Variants in MAST4 observed in about 807,000 individuals in gnomAD.
The protein encoded by MAST4 is microtubule associated serine/threonine kinase family member 4, also known as microtubule-associated serine/threonine-protein kinase 4.
MAST4 carries 89 observed loss-of-function variants against 162.7 expected under a neutral mutation model. The ratio of observed to expected loss-of-function variants is 0.55; its 90% CI spans 0.46 to 0.65. MAST4 has a LOEUF of 0.65. Ranked by LOEUF, MAST4 falls within the 30% of genes least tolerant of loss-of-function variation. The pLI is 0.00. For synonymous variants in MAST4, 1,479 were observed against 1,361.1 expected, an observed-to-expected ratio of 1.09 and a Z score of -1.91; for missense variants, 3,153 against 3,374.0, an observed-to-expected ratio of 0.93 and a Z score of 1.62.
chr5:67,166,559 C>A lies in MAST4; in HGVS notation c.7380C>A (p.Ser2460Arg), dbSNP rs769175114. 6.2e-7 allele frequency: 1 copy of A among 1,606,750 alleles called. No individual in the cohort carries two copies. Among genetic ancestry groups the A allele is most frequent in the Non-Finnish European group, 8.5e-7 (1 of 1,176,774 alleles). The change falls in exon 29 of 29, where the codon AGC becomes AGA. Residue 2460 changes from serine (S) to arginine (R), a missense_variant. Coordinates refer to ENST00000403625, the MANE Select transcript of MAST4 (RefSeq NM_001164664.2). ...RSTALPEKSL[S>R]CSSSFPETRA... ...CGGCCCTCCCGGAAAAGTCTCTGAGCTGCTCCTCCAGCTTCCCTGAAACCA... is the reference window on the plus strand; with the variant it reads ...CGGCCCTCCCGGAAAAGTCTCTGAGATGCTCCTCCAGCTTCCCTGAAACCA...
chr5:67,073,191 A>G (rs1031358875), intron 5 of MAST4, among the ~76,000 whole-genome samples: 2 of 152,196 alleles, frequency 1.3e-5, no homozygotes, highest in Non-Finnish European at 2.9e-5. Context: ...ACACCATGGC[A>G]CTGTGCCAGA....
chr5:66,637,864 C>A (rs2149430853), intron 1 of MAST4, among the ~76,000 whole-genome samples: 1 of 152,152 alleles, frequency 6.6e-6, no homozygotes, highest in South Asian at 2.1e-4. Context: ...GCACGTGCCA[C>A]CACACCCAGC....
At chr5:66,747,746 T>C (rs1417204014) in intron 1 of MAST4, among the ~76,000 whole-genome samples, 1 of 151,912 alleles carries the variant, frequency 6.6e-6, no homozygotes, top group African/African-American at 2.4e-5. Flanking sequence ...AATAATGGCA[T>C]TGCTGATGCT....
intron 4 of MAST4, among the ~76,000 whole-genome samples, chr5:67,002,284 G>A (rs1010656340): frequency 9.9e-5 from 15 of 152,062 alleles, no homozygotes; most frequent in African/African-American, 3.4e-4. Flanking sequence ...AGTATTCTTT[G>A]AGAATACAGA....
intron 4 of MAST4, among the ~76,000 whole-genome samples, chr5:67,046,448 A>G (rs1223243669): frequency 6.6e-6 from 1 of 152,210 alleles, no homozygotes; most frequent in African/African-American, 2.4e-5. Flanking sequence ...TCTTTTCCAG[A>G]TTCTGCCTTA....
At chr5:67,093,179 T>TG (rs1490283967) in intron 6 of MAST4, among the ~76,000 whole-genome samples, 2 of 152,230 alleles carry the variant, frequency 1.3e-5, no homozygotes, top group African/African-American at 4.8e-5. Flanking sequence ...ATTTTTTTGC[T>TG]GATCTTTTTT....
intron 4 of MAST4, among the ~76,000 whole-genome samples, chr5:66,915,860 AGAC>A (rs1271018975): frequency 1.3e-5 from 2 of 152,214 alleles, no homozygotes; most frequent in South Asian, 2.1e-4. Context: ...TAATGGAAGA[AGAC>A]GAAATTTTCT....
intron 4 of MAST4, among the ~76,000 whole-genome samples, chr5:66,964,567 C>T (rs970204119): frequency 2.0e-5 from 3 of 152,048 alleles, no homozygotes; most frequent in Non-Finnish European, 2.9e-5. Flanking sequence ...TTTGGGAGGT[C>T]GAGGCGGGCA....
intron 1 of MAST4, among the ~76,000 whole-genome samples, chr5:66,693,977 A>G (rs1330953363): frequency 6.6e-6 from 1 of 152,198 alleles, no homozygotes; most frequent in Non-Finnish European, 1.5e-5. Flanking sequence ...ATTTTAGGCA[A>G]AGGGAATGGT....
chr5:66,693,972 A>G (rs1415651324), intron 1 of MAST4, among the ~76,000 whole-genome samples: 1 of 152,192 alleles, frequency 6.6e-6, no homozygotes, highest in Non-Finnish European at 1.5e-5. Context: ...AGAATATTTT[A>G]GGCAAAGGGA....
intron 1 of MAST4, among the ~76,000 whole-genome samples, chr5:66,618,814 T>C (rs1184384552): frequency 2.0e-5 from 3 of 152,212 alleles, no homozygotes; most frequent in Non-Finnish European, 4.4e-5. Flanking sequence ...AGGATTTTTT[T>C]TTTCTGACTT....
intron 1 of MAST4, among the ~76,000 whole-genome samples, chr5:66,738,480 C>T (rs1370495994): frequency 6.6e-6 from 1 of 152,204 alleles, no homozygotes; most frequent in Non-Finnish European, 1.5e-5. Context: ...CCAGGCCCCT[C>T]TTCTAGCCTC....
chr5:67,106,248 C>T (rs1000568217), intron 10 of MAST4, among the ~76,000 whole-genome samples: 1 of 152,116 alleles, frequency 6.6e-6, no homozygotes. Flanking sequence ...CAAATCCTTA[C>T]CTCAGACCAG....
At chr5:66,632,907 C>T (rs1744878112) in intron 1 of MAST4, among the ~76,000 whole-genome samples, 1 of 151,946 alleles carries the variant, frequency 6.6e-6, no homozygotes, top group African/African-American at 2.4e-5. Flanking sequence ...AGGTAAAATA[C>T]ACAAATACAC....
chr5:66,971,881 G>A (rs1016160143), intron 4 of MAST4, among the ~76,000 whole-genome samples: 1 of 151,626 alleles, frequency 6.6e-6, no homozygotes, highest in Non-Finnish European at 1.5e-5. Flanking sequence ...TATGGATACA[G>A]CCATTAACAC....
At chr5:66,915,935 A>G (rs2150029055) in intron 4 of MAST4, among the ~76,000 whole-genome samples, 1 of 152,328 alleles carries the variant, frequency 6.6e-6, no homozygotes, top group East Asian at 1.9e-4. Context: ...TTAATCCTGA[A>G]CATGGGAGTG....
chr5:67,098,254 A>G (rs188511383), intron 7 of MAST4, among the ~76,000 whole-genome samples: 1 of 152,308 alleles, frequency 6.6e-6, no homozygotes, highest in Admixed American at 6.5e-5. Flanking sequence ...AATGTTAAAA[A>G]TGCTATATTC....
At chr5:66,700,792 T>TAC (rs1749718702) in intron 1 of MAST4, among the ~76,000 whole-genome samples, 3 of 110,144 alleles carry the variant, frequency 2.7e-5, no homozygotes, top group African/African-American at 1.1e-4. Context: ...TATATATATA[T>TAC]ATATATATAC....
At chr5:67,020,523 G>A (rs1186527881) in intron 4 of MAST4, among the ~76,000 whole-genome samples, 1 of 152,212 alleles carries the variant, frequency 6.6e-6, no homozygotes, top group Non-Finnish European at 1.5e-5. Flanking sequence ...TTTTGGGATA[G>A]ATGGGCTTAC....
Sources: gnomAD v4.1 joint callset for allele counts (sites outside exome capture counted in the v4.1 genomes callset) on GRCh38, gnomAD v4.1.1 for gene constraint, MANE v1.5 for transcripts, NCBI Gene and HGNC (gene_info 2026-07-23, HGNC 2026-07-21) for gene names.